Variants in HMCN1 observed in about 807,000 individuals in gnomAD.
The protein encoded by HMCN1 is hemicentin-1.
HMCN1 carries 321 observed loss-of-function variants against 625.9 expected under a neutral mutation model. The ratio of observed to expected loss-of-function variants is 0.51; its 90% CI spans 0.47 to 0.56. HMCN1 has a LOEUF of 0.56. Ranked by LOEUF, HMCN1 falls within the 20% of genes least tolerant of loss-of-function variation. The pLI is 0.00. For missense variants in HMCN1, 6,588 were observed against 6,887.3 expected (o/e 0.96, Z 1.54); for synonymous variants, 2,425 against 2,417.6 (o/e 1.00, Z -0.09).
At chr1:185,792,668 G>C (rs1232706521) in intron 1 of HMCN1, among the ~76,000 whole-genome samples, 1 of 152,138 alleles carries the variant, frequency 6.6e-6, no homozygotes, top group Non-Finnish European at 1.5e-5. Context: ...TACCTACTAA[G>C]ATATAGAAAT....
intron 67 of HMCN1, among the ~76,000 whole-genome samples, chr1:186,094,921 A>C (rs1439771797): frequency 6.6e-6 from 1 of 152,182 alleles, no homozygotes. Flanking sequence ...AGTAGTTAAA[A>C]GAATACTACT....
chr1:185,820,746 C>G (rs1660134329), intron 1 of HMCN1, among the ~76,000 whole-genome samples: 1 of 151,986 alleles, frequency 6.6e-6, no homozygotes, highest in Non-Finnish European at 1.5e-5. Flanking sequence ...TCAGAGAGTA[C>G]TTTATGGGAA....
intron 34 of HMCN1, among the ~76,000 whole-genome samples, 186 bp downstream of exon 34, chr1:186,018,538 G>A (rs1654515757): frequency 6.6e-6 from 1 of 151,916 alleles, no homozygotes; most frequent in Non-Finnish European, 1.5e-5. Flanking sequence ...ACTCAACCAA[G>A]ATGTATCATG....
chr1:185,913,820 T>A (rs1187740322), intron 6 of HMCN1, among the ~76,000 whole-genome samples: 1 of 152,184 alleles, frequency 6.6e-6, no homozygotes, highest in East Asian at 1.9e-4. Flanking sequence ...TTGGCCATGT[T>A]CTGTGCTACT....
At chr1:186,094,445 C>A (rs962675632) in intron 67 of HMCN1, 72 bp downstream of exon 67, 3 of 1,072,704 alleles carry the variant, frequency 2.8e-6, no homozygotes, top group African/African-American at 1.6e-5. Context: ...CTTTAGAAAC[C>A]GACTTCCTCA....
Position 185,967,787 on chromosome 1 carries a change from G to A in HMCN1, c.2212+1872G>A, listed in dbSNP as rs73062472. Among the ~76,000 whole-genome samples, 1,483 of 152,220 alleles carry A rather than the reference G, an allele frequency of 9.7e-3. 26 individuals are homozygous for A. The highest frequency in any genetic ancestry group is 0.034 in the African/African-American group (1,430 of 41,544). On this transcript the variant is annotated intron_variant, in intron 14 of 106. Coordinates refer to ENST00000271588, the MANE Select transcript of HMCN1 (RefSeq NM_031935.3). Reference sequence around the variant, plus strand: ...TTATGGAAACCATAGGGGTGAGGAGGAAGAGTTCCTGCCTTCACCATAAGA... The same window carrying A: ...TTATGGAAACCATAGGGGTGAGGAGAAAGAGTTCCTGCCTTCACCATAAGA...
intron 1 of HMCN1, among the ~76,000 whole-genome samples, chr1:185,743,982 G>GTTTTTTTTT (rs1214723950): frequency 6.8e-5 from 6 of 88,142 alleles, no homozygotes; most frequent in Non-Finnish European, 8.7e-5. Context: ...TTACTGTTTT[G>GTTTTTTTTT]TTTTTTTTTT....
At position 185,896,389 on chromosome 1, in the gene HMCN1, A is replaced by G. The variant is rs78392928; in HGVS notation, c.622-12948A>G. ...AAACATTATATGTATAGTATAATAA[A>G]CCTGTGTGTAAGAACACACAAAAAC... On this transcript the variant is annotated intron_variant, in intron 4 of 106. Transcript: ENST00000271588. Among the ~76,000 whole-genome samples, 1,075 of 145,294 alleles carry G rather than the reference A, an allele frequency of 7.4e-3. 13 individuals are homozygous for G. The highest frequency in any genetic ancestry group is 0.027 in the African/African-American group (963 of 36,226).
intron 1 of HMCN1, among the ~76,000 whole-genome samples, chr1:185,829,349 A>G (rs1048451338): frequency 4.6e-5 from 7 of 151,486 alleles, no homozygotes; most frequent in African/African-American, 1.7e-4. Flanking sequence ...TATGGTATAC[A>G]TGCGCCATGG....
intron 10 of HMCN1, among the ~76,000 whole-genome samples, chr1:185,930,935 C>T (rs1037806836): frequency 6.6e-6 from 1 of 151,792 alleles, no homozygotes; most frequent in Non-Finnish European, 1.5e-5. Context: ...CACACACACA[C>T]ACACACACAG....
chr1:185,787,989 C>T (rs1336824624), intron 1 of HMCN1, among the ~76,000 whole-genome samples: 2 of 152,152 alleles, frequency 1.3e-5, no homozygotes, highest in Non-Finnish European at 2.9e-5. Context: ...ACCCATCCAT[C>T]CCCAAATACT....
intron 76 of HMCN1, 80 bp from the exon 77 acceptor site, chr1:186,117,379 G>A: frequency 6.7e-7 from 1 of 1,488,862 alleles, no homozygotes; most frequent in African/African-American, 1.4e-5. Flanking sequence ...GCAAAAAGAG[G>A]ATGTATGATA....
At chr1:185,800,988 T>C (rs1006271380) in intron 1 of HMCN1, among the ~76,000 whole-genome samples, 4 of 152,160 alleles carry the variant, frequency 2.6e-5, no homozygotes, top group African/African-American at 9.7e-5. Flanking sequence ...TAAAAACCTG[T>C]ACAAAGCAAA....
chr1:185,846,187 G>T, intron 2 of HMCN1, 91 bp downstream of exon 2: 1 of 1,029,550 alleles, frequency 9.7e-7, no homozygotes, highest in Non-Finnish European at 1.5e-6. Flanking sequence ...AAAAGACATA[G>T]TTGTTGGCTT....
intron 39 of HMCN1, 110 bp from the exon 40 acceptor site, chr1:186,040,903 C>A (rs1656157957): frequency 8.5e-7 from 1 of 1,176,382 alleles, no homozygotes; most frequent in Non-Finnish European, 1.3e-6. Context: ...GGAAAATCTT[C>A]CTAAAAGGCA....
chr1:186,187,924 A>C lies in HMCN1; in HGVS notation c.16456A>C (p.Asn5486His). ...CLEQNVHCGP[N>H]RMCFNMRGSY... ...GGAGCAGAATGTGCACTGTGGACCC[A>C]ATCGCATGTGCTTCAACATGAGAGG... The change falls in exon 106 of 107, where the codon AAT (asparagine) becomes CAT (histidine). Residue 5486 changes from asparagine to histidine, a missense_variant. Asn to His is a moderately conservative substitution (Grantham distance 68). Coordinates refer to ENST00000271588, the MANE Select transcript of HMCN1 (RefSeq NM_031935.3). The C allele has an allele frequency of 6.2e-7, 1 of 1,613,838 alleles. No individual in the cohort carries two copies. Among genetic ancestry groups the C allele is most frequent in the Non-Finnish European group, 8.5e-7 (1 of 1,179,794 alleles).
intron 4 of HMCN1, among the ~76,000 whole-genome samples, chr1:185,904,888 C>A (rs900945960): frequency 1.3e-5 from 2 of 151,720 alleles, no homozygotes; most frequent in Non-Finnish European, 2.9e-5. Flanking sequence ...GATGCATTTA[C>A]ACCTAATCAA....
chr1:186,179,713 T>A (rs1558286122), intron 104 of HMCN1, among the ~76,000 whole-genome samples: 1 of 152,220 alleles, frequency 6.6e-6, no homozygotes, highest in Non-Finnish European at 1.5e-5. Flanking sequence ...CTCTCTTAAC[T>A]ATGCTTTTTG....
chr1:185,983,495 T>C (rs1229044009), intron 18 of HMCN1, among the ~76,000 whole-genome samples: 1 of 152,180 alleles, frequency 6.6e-6, no homozygotes, highest in East Asian at 1.9e-4. Flanking sequence ...AAATTTCATA[T>C]TTGCATAAAA....
Sources: allele counts gnomAD v4.1 joint callset (sites outside exome capture counted in the v4.1 genomes callset), GRCh38; gene constraint gnomAD v4.1.1; transcripts MANE v1.5; gene names NCBI Gene and HGNC (gene_info 2026-07-23, HGNC 2026-07-21).